The following FBXO34 variants were observed in gnomAD, a reference collection of about 807,000 sequenced individuals.
The protein encoded by FBXO34 is F-box only protein 34.
A neutral mutation model predicts 24.5 loss-of-function variants in FBXO34; 12 were observed. That is an observed-to-expected ratio of 0.49 (90% confidence interval 0.31 to 0.79). The LOEUF is 0.79. FBXO34 is among the 30% of genes least tolerant of loss of function. The pLI is 0.04. For synonymous variants in FBXO34, 320 were observed against 311.9 expected (o/e 1.03, Z -0.27); for missense variants, 823 against 857.7 (o/e 0.96, Z 0.51).
At chr14:55,428,864 T>A in the FBXO34 span, 2 of 1,614,198 alleles carry the variant, frequency 1.2e-6, no homozygotes, top group Non-Finnish European at 1.7e-6. Context: ...AAATCTCACA[T>A]CACAGCTTCC....
chr14:55,353,362 G>A lies in FBXO34; in HGVS notation c.*836G>A, dbSNP rs1256297011. ...CCCAAATAAACTATGAATGTTTCCT[G>A]TATAATATATGAATGTTTCTGAGAA... On this transcript the variant is annotated 3_prime_UTR_variant, in exon 2 of 2. Transcript: ENST00000313833. The A allele has an allele frequency of 6.0e-6, 1 of 166,508 alleles. No homozygotes were observed. The highest frequency in any genetic ancestry group is 1.5e-5 in the Non-Finnish European group (1 of 68,052). The allele number at this position is 166,508 out of a possible 1,614,324, so 10.3% of individuals were successfully genotyped here.
rs1252878786 is a variant in FBXO34 at position 55,331,759 on chromosome 14, A to ATATATG, written c.-10-18621_-10-18620insATATGT. Among the ~76,000 whole-genome samples, 5 of 59,004 alleles carry ATATATG rather than the reference A, an allele frequency of 8.5e-5. 2 individuals are homozygous for ATATATG. The African/African-American group carries it at 1.4e-3, about 17-fold the overall frequency. 38.7% of individuals were successfully genotyped at this position (59,004 alleles called of 152,430 possible). ...TATATATGTGTGTATATATATATAT[A>ATATATG]TGTATATATATATATATATACCACC... On this transcript the variant is annotated intron_variant, in intron 1 of 1. Transcript: ENST00000313833.
intron 1 of FBXO34, among the ~76,000 whole-genome samples, chr14:55,338,933 A>C (rs866883420): frequency 1.3e-5 from 2 of 151,068 alleles, no homozygotes; most frequent in Middle Eastern, 3.2e-3. Context: ...AAAAAAAAAA[A>C]GCCAAAAAAA....
chr14:55,329,263 C>G (rs1413376769), intron 1 of FBXO34, among the ~76,000 whole-genome samples: 1 of 151,948 alleles, frequency 6.6e-6, no homozygotes, highest in Non-Finnish European at 1.5e-5. Flanking sequence ...GTAGACTCCT[C>G]TCCTTAAGAT....
Position 55,351,495 on chromosome 14 carries a change from G to C in FBXO34, c.1105G>C (p.Ala369Pro). 1 of 1,614,168 alleles carries C rather than the reference G, an allele frequency of 6.2e-7. No individual in the cohort carries two copies. Among genetic ancestry groups the C allele is most frequent in the Non-Finnish European group, 8.5e-7 (1 of 1,180,044 alleles). ...SPKEDQAWDGASQDCPPLPAG... is the reference protein window; with the variant it reads ...SPKEDQAWDGPSQDCPPLPAG... ...TAAGGAGGACCAGGCCTGGGACGGT[G>C]CTTCTCAGGACTGCCCCCCATTGCC... is the stretch of plus-strand genomic sequence containing the variant. Residue 369 changes from alanine to proline, a missense_variant, in exon 2 of 2, where the codon GCT (alanine) becomes CCT (proline). By Grantham distance (27) the Ala-to-Pro change is conservative. Transcript: ENST00000313833.
Position 55,344,404 on chromosome 14 carries a change from C to CT in FBXO34, c.-10-5974dup, listed in dbSNP as rs1348759751. Among the ~76,000 whole-genome samples the CT allele has an allele frequency of 2.0e-5, 3 of 151,896 alleles. No homozygotes were observed. In the East Asian group the frequency reaches 5.8e-4, roughly 29 times the overall value. On this transcript the variant is annotated intron_variant, in intron 1 of 1. Coordinates refer to ENST00000313833, the MANE Select transcript of FBXO34 (RefSeq NM_017943.4). ...AGAGTTGTTATCTCTATCCAGAAAA[C>CT]TTTCTCCTCATTGAAATGTTTCTGT...
the FBXO34 span, among the ~76,000 whole-genome samples, chr14:55,397,718 G>C: frequency 2.0e-5 from 3 of 152,256 alleles, no homozygotes; most frequent in Non-Finnish European, 4.4e-5. Context: ...AGGCACATCA[G>C]AACACTAAAG....
the FBXO34 span, among the ~76,000 whole-genome samples, chr14:55,391,730 G>A: frequency 6.6e-6 from 1 of 152,142 alleles, no homozygotes; most frequent in Admixed American, 6.5e-5. Flanking sequence ...GGACAGCGCA[G>A]ATACAGAACT....
chr14:55,293,604 T>C (rs1882019851), intron 1 of FBXO34, among the ~76,000 whole-genome samples: 1 of 152,100 alleles, frequency 6.6e-6, no homozygotes, highest in Non-Finnish European at 1.5e-5. Context: ...TCTCTGCTTT[T>C]TTTTTTTTTA....
At chr14:55,424,101 G>A in the FBXO34 span, 1 of 1,225,712 alleles carries the variant, frequency 8.2e-7, no homozygotes, top group Non-Finnish European at 1.2e-6. Flanking sequence ...AAAAGAATAA[G>A]CAAAGCACAT....
chr14:55,436,789 C>T, the FBXO34 span: 1 of 1,614,188 alleles, frequency 6.2e-7, no homozygotes, highest in Non-Finnish European at 8.5e-7. Flanking sequence ...TGGACTTTGG[C>T]TTTCAGAATT....
the FBXO34 span, chr14:55,382,296 C>T: frequency 1.1e-6 from 1 of 919,118 alleles, no homozygotes; most frequent in Admixed American, 2.6e-5. Context: ...CCTATGAGCA[C>T]AGAAATTTTA....
chr14:55,380,168 A>G, the FBXO34 span, among the ~76,000 whole-genome samples: 1 of 152,090 alleles, frequency 6.6e-6, no homozygotes, highest in African/African-American at 2.4e-5. Flanking sequence ...GGATTGCCTG[A>G]AACTGTGAGG....
At chr14:55,341,077 G>A (rs915107002) in intron 1 of FBXO34, among the ~76,000 whole-genome samples, 1 of 152,184 alleles carries the variant, frequency 6.6e-6, no homozygotes, top group African/African-American at 2.4e-5. Context: ...ATAAGTATAG[G>A]GATCACTGCA....
At chr14:55,420,226 A>G in the FBXO34 span, among the ~76,000 whole-genome samples, 1 of 152,186 alleles carries the variant, frequency 6.6e-6, no homozygotes, top group Non-Finnish European at 1.5e-5. Flanking sequence ...ACGCACCACA[A>G]TGCCCGGCTA....
At chr14:55,316,251 C>T (rs1419486167) in intron 1 of FBXO34, among the ~76,000 whole-genome samples, 3 of 152,012 alleles carry the variant, frequency 2.0e-5, no homozygotes, top group African/African-American at 7.3e-5. Flanking sequence ...GGGCTGAGTA[C>T]AGGATGAACA....
the FBXO34 span, chr14:55,411,759 G>T: frequency 6.2e-7 from 1 of 1,606,818 alleles, no homozygotes; most frequent in South Asian, 1.1e-5. Flanking sequence ...TCCCGGGCGA[G>T]CGGCCGGGGC....
At chr14:55,393,155 G>A in the FBXO34 span, among the ~76,000 whole-genome samples, 18 of 152,174 alleles carry the variant, frequency 1.2e-4, no homozygotes, top group African/African-American at 4.3e-4. Flanking sequence ...GCCAAGGTGG[G>A]CGGATCACGA....
the FBXO34 span, among the ~76,000 whole-genome samples, chr14:55,439,277 T>TC: frequency 1.4e-5 from 1 of 70,370 alleles, no homozygotes; most frequent in African/African-American, 5.6e-5. Flanking sequence ...GTAATTAACT[T>TC]TAAAAAAAAA....
Sources: gnomAD v4.1 joint callset for allele counts (sites outside exome capture counted in the v4.1 genomes callset) on GRCh38, gnomAD v4.1.1 for gene constraint, MANE v1.5 for transcripts, NCBI Gene and HGNC (gene_info 2026-07-23, HGNC 2026-07-21) for gene names.